The following CXADR variants were observed in gnomAD, a reference collection of about 807,000 sequenced individuals.
The protein encoded by CXADR is CXADR cell adhesion molecule.
A neutral mutation model predicts 40.3 loss-of-function variants in CXADR; 20 were observed. The ratio of observed to expected loss-of-function variants is 0.50; its 90% CI spans 0.35 to 0.72. The LOEUF (loss-of-function observed/expected upper bound fraction) is 0.72. Ranked by LOEUF, CXADR falls within the 30% of genes least tolerant of loss-of-function variation. CXADR has a pLI of 0.01. For missense variants in CXADR, 332 were observed against 449.1 expected (o/e 0.74, Z 2.36); for synonymous variants, 150 against 161.3 (o/e 0.93, Z 0.53).
intron 1 of CXADR, among the ~76,000 whole-genome samples, chr21:17,545,584 A>G (rs953081129): frequency 3.3e-5 from 5 of 151,778 alleles, no homozygotes; most frequent in Non-Finnish European, 5.9e-5. Context: ...ACACCACCAC[A>G]CCCAGCTAGG....
In CXADR at chr21:17,561,217, C is replaced by T. The variant is rs140594459; in HGVS notation, c.695-121C>T. ...GAATTTTTCCCCCGGATCAAAAAGA[C>T]TAAATAATTTGTCTTAAAGTTAACA... On this transcript the variant is annotated intron_variant, in intron 5 of 6. Coordinates refer to ENST00000284878, the MANE Select transcript of CXADR (RefSeq NM_001338.5). 50 of 589,554 alleles carry T rather than the reference C, an allele frequency of 8.5e-5. No individual in the cohort carries two copies. In the Admixed American group the frequency reaches 1.9e-3, roughly 22 times the overall value. 36.5% of individuals were successfully genotyped at this position (589,554 alleles called of 1,614,324 possible). A position where few individuals can be genotyped will look rare whatever the true frequency, so the allele number is the denominator to read the frequency against.
chr21:17,563,218 T>C (rs573210632), intron 6 of CXADR, among the ~76,000 whole-genome samples: 1 of 152,282 alleles, frequency 6.6e-6, no homozygotes, highest in Admixed American at 6.5e-5. Context: ...CTCCAGGAGT[T>C]TGAGCTTGCA....
chr21:17,551,841 T>A lies in CXADR; in HGVS notation c.303T>A (p.Gly101=), dbSNP rs760299895. The A allele has an allele frequency of 6.2e-7, 1 of 1,613,912 alleles. No individual in the cohort carries two copies. Among genetic ancestry groups the A allele is most frequent in the Non-Finnish European group, 8.5e-7 (1 of 1,179,836 alleles). Residue 101 remains glycine, a synonymous_variant, in exon 3 of 7, where the codon GGT becomes GGA. Transcript: ENST00000284878. ...VHFTSNDLKS[G]DASINVTNLQ... is the part of the protein sequence containing the mutation. ...TTACGAGTAATGATCTCAAATCTGG[T>A]GATGCATCAATAAATGTAACGAATT...
At chr21:17,589,819 T>C (rs540815710) in intron 7 of CXADR, among the ~76,000 whole-genome samples, 170 of 152,094 alleles carry the variant, frequency 1.1e-3, no homozygotes, top group Non-Finnish European at 9.1e-4. Flanking sequence ...GATCAAGGGA[T>C]ATATACTTCA....
chr21:17,566,134 T>C lies in CXADR; in HGVS notation c.*442T>C, dbSNP rs2061205487. 1 of 984,994 alleles carries C rather than the reference T, an allele frequency of 1.0e-6. No homozygotes were observed. The highest frequency in any genetic ancestry group is 4.7e-5 in the South Asian group (1 of 21,296). 61.0% of individuals were successfully genotyped at this position (984,994 alleles called of 1,614,324 possible). A position where few individuals can be genotyped will look rare whatever the true frequency, so the allele number is the denominator to read the frequency against. On this transcript the variant is annotated 3_prime_UTR_variant, in exon 7 of 7. Transcript: ENST00000284878. ...TTATGGCCCACCAGTCTCCCCCAAA[T>C]TAGTACAGAAATATCCATGACAAAA...
intron 1 of CXADR, among the ~76,000 whole-genome samples, chr21:17,522,917 C>G (rs1397157923): frequency 1.3e-5 from 2 of 152,214 alleles, no homozygotes; most frequent in Non-Finnish European, 2.9e-5. Flanking sequence ...ACTCTTCTCT[C>G]TCATATTAAT....
intron 7 of CXADR, among the ~76,000 whole-genome samples, chr21:17,577,268 A>G (rs1305231946): frequency 6.6e-6 from 1 of 152,158 alleles, no homozygotes; most frequent in Non-Finnish European, 1.5e-5. Flanking sequence ...CACTTCTGGC[A>G]TATTTAAATA....
rs1482117383 is a variant in CXADR, at chr21:17,568,417, T to C, written c.*2725T>C. The C allele has an allele frequency of 6.1e-6, 6 of 984,892 alleles. No individual in the cohort carries two copies. The highest frequency in any genetic ancestry group is 6.0e-6 in the Non-Finnish European group (5 of 829,786). 61.0% of individuals were successfully genotyped at this position (984,892 alleles called of 1,614,324 possible). A position where few individuals can be genotyped will look rare whatever the true frequency, so the allele number is the denominator to read the frequency against. ...TGCTGGGATTACAGGCGTGAACCAC[T>C]GCACCCGGCCCAGTACTGCATCTTA... is the stretch of plus-strand genomic sequence containing the variant. On this transcript the variant is annotated 3_prime_UTR_variant, in exon 7 of 7. Coordinates refer to ENST00000284878, the MANE Select transcript of CXADR (RefSeq NM_001338.5).
At chr21:17,520,670 T>C (rs1250005495) in intron 1 of CXADR, among the ~76,000 whole-genome samples, 1 of 152,182 alleles carries the variant, frequency 6.6e-6, no homozygotes, top group Non-Finnish European at 1.5e-5. Context: ...ACAGGAATCC[T>C]CTGGGATGAT....
At chr21:17,535,754 C>T (rs1285786933) in intron 1 of CXADR, among the ~76,000 whole-genome samples, 1 of 152,194 alleles carries the variant, frequency 6.6e-6, no homozygotes, top group African/African-American at 2.4e-5. Context: ...CACCTGTACT[C>T]CCAGCATTTT....
chr21:17,592,939 T>A (rs904140346), intron 7 of CXADR, among the ~76,000 whole-genome samples: 6 of 151,976 alleles, frequency 3.9e-5, no homozygotes, highest in African/African-American at 1.4e-4. Context: ...ACAGAATTTA[T>A]CTTCCTAAAA....
the CXADR span, chr21:17,613,557 C>T: frequency 1.3e-5 from 2 of 152,328 alleles, no homozygotes; most frequent in Non-Finnish European, 2.9e-5. Flanking sequence ...GTGTGCTGCC[C>T]TGGCACCGGC....
At chr21:17,585,676 C>T (rs949237041) in intron 7 of CXADR, among the ~76,000 whole-genome samples, 2 of 152,094 alleles carry the variant, frequency 1.3e-5, no homozygotes, top group African/African-American at 2.4e-5. Context: ...TGCCACTACG[C>T]CCAGCTAATT....
intron 1 of CXADR, among the ~76,000 whole-genome samples, chr21:17,530,852 T>G (rs1241225740): frequency 6.6e-6 from 1 of 152,148 alleles, no homozygotes. Flanking sequence ...GACATTATCC[T>G]ACATGTGTTT....
chr21:17,632,207 T>G, the CXADR span, among the ~76,000 whole-genome samples: 1 of 152,152 alleles, frequency 6.6e-6, no homozygotes, highest in African/African-American at 2.4e-5. Context: ...CAGTACCACA[T>G]AGTGAGAGAT....
the CXADR span, chr21:17,608,784 G>T: frequency 1.9e-6 from 1 of 524,628 alleles, no homozygotes. Flanking sequence ...CCAGGCAGTG[G>T]GACTCCACCA....
chr21:17,556,154 C>CAGACCAA (rs1260445859), intron 3 of CXADR, among the ~76,000 whole-genome samples: 3 of 152,206 alleles, frequency 2.0e-5, no homozygotes, highest in Non-Finnish European at 4.4e-5. Context: ...GTGGGAAGTC[C>CAGACCAA]AGACCAAAGA....
At position 17,568,514 on chromosome 21, in the gene CXADR, A is replaced by T; in HGVS notation, c.*2822A>T. ...CATCCATCTCTTTAGGTTACAGAGG[A>T]TAATTTGAAGAGAAATGTTACTGTA... On this transcript the variant is annotated 3_prime_UTR_variant, in exon 7 of 7. Transcript: ENST00000284878. 3 of 983,488 alleles carry T rather than the reference A, an allele frequency of 3.1e-6. No homozygotes were observed. The highest frequency in any genetic ancestry group is 3.6e-6 in the Non-Finnish European group (3 of 828,676). The allele number at this position is 983,488 out of a possible 1,614,324, so 60.9% of individuals were successfully genotyped here.
chr21:17,518,685 C>G (rs2060491586), intron 1 of CXADR: 5 of 1,610,052 alleles, frequency 3.1e-6, no homozygotes, highest in Non-Finnish European at 4.2e-6. Context: ...CAGCACCAAG[C>G]TGACTTAATA....
Sources: allele counts gnomAD v4.1 joint callset (sites outside exome capture counted in the v4.1 genomes callset), GRCh38; gene constraint gnomAD v4.1.1; transcripts MANE v1.5; gene names NCBI Gene and HGNC (gene_info 2026-07-23, HGNC 2026-07-21).